PLCL1: variants seen among roughly 807,000 people sequenced by gnomAD.
PLCL1 encodes the protein inactive phospholipase C-like protein 1.
In PLCL1, 41 loss-of-function variants were observed where a neutral mutation model predicts 84.4. The observed-to-expected ratio is 0.49, with a 90% CI of 0.38 to 0.63. PLCL1 has a LOEUF of 0.63. PLCL1 is among the 30% of genes least tolerant of loss of function. The probability of loss-of-function intolerance (pLI) is 0.00; values close to 1 mark genes in which losing one functional copy is unlikely to be tolerated. For synonymous variants in PLCL1, 490 were observed against 488.3 expected (o/e 1.00, Z -0.05); for missense variants, 1,206 against 1,367.8 (o/e 0.88, Z 1.87).
At chr2:197,969,212 C>T (rs1689809114) in intron 1 of PLCL1, among the ~76,000 whole-genome samples, 1 of 152,050 alleles carries the variant, frequency 6.6e-6, no homozygotes, top group African/African-American at 2.4e-5. Context: ...GTTCCTGGTA[C>T]CAAAAAGTTT....
At chr2:198,032,423 A>G (rs890136887) in intron 1 of PLCL1, among the ~76,000 whole-genome samples, 16 of 152,250 alleles carry the variant, frequency 1.1e-4, no homozygotes, top group Admixed American at 5.2e-4. Context: ...CAGAAAGATA[A>G]AATAAGACTG....
intron 1 of PLCL1, among the ~76,000 whole-genome samples, chr2:197,978,621 A>G (rs1263528647): frequency 6.6e-6 from 1 of 152,280 alleles, no homozygotes; most frequent in Non-Finnish European, 1.5e-5. Flanking sequence ...CTATACATAC[A>G]TTTAAGAAAG....
At chr2:197,900,644 C>T (rs1332650566) in intron 1 of PLCL1, among the ~76,000 whole-genome samples, 1 of 152,134 alleles carries the variant, frequency 6.6e-6, no homozygotes, top group Admixed American at 6.6e-5. Context: ...CACTTGACTT[C>T]TCATTTCAGT....
intron 1 of PLCL1, among the ~76,000 whole-genome samples, chr2:197,880,141 T>A (rs1687803958): frequency 6.6e-6 from 1 of 152,208 alleles, no homozygotes; most frequent in East Asian, 1.9e-4. Flanking sequence ...AAATTATGAA[T>A]GTCCAGATCA....
At chr2:197,897,174 CTTCTTCTT>C (rs1688161408) in intron 1 of PLCL1, among the ~76,000 whole-genome samples, 1 of 29,880 alleles carries the variant, frequency 3.3e-5, no homozygotes, top group African/African-American at 2.3e-4. Flanking sequence ...TCTTCTTCTT[CTTCTTCTT>C]CTTCTTCTCC....
intron 4 of PLCL1, among the ~76,000 whole-genome samples, chr2:198,103,183 A>G (rs987041425): frequency 4.6e-5 from 7 of 152,068 alleles, no homozygotes; most frequent in African/African-American, 1.7e-4. Context: ...GTTGCCATTG[A>G]CACATCAGAC....
intron 1 of PLCL1, among the ~76,000 whole-genome samples, chr2:198,004,472 C>A (rs920642711): frequency 6.6e-6 from 1 of 152,130 alleles, no homozygotes; most frequent in Non-Finnish European, 1.5e-5. Flanking sequence ...TTACTTCCAA[C>A]ATTAATTCTA....
chr2:197,963,171 G>A (rs369642012), intron 1 of PLCL1, among the ~76,000 whole-genome samples: 17 of 152,122 alleles, frequency 1.1e-4, no homozygotes, highest in African/African-American at 4.1e-4. Context: ...CATAGTGGTT[G>A]TACTAATTTA....
intron 1 of PLCL1, among the ~76,000 whole-genome samples, chr2:197,829,057 G>A (rs1462750787): frequency 1.3e-5 from 2 of 152,156 alleles, no homozygotes; most frequent in African/African-American, 4.8e-5. Flanking sequence ...TGCAAGGCAT[G>A]CAGTCAAATT....
intron 1 of PLCL1, among the ~76,000 whole-genome samples, chr2:197,910,712 C>T (rs774348944): frequency 5.9e-5 from 9 of 152,200 alleles, no homozygotes; most frequent in African/African-American, 9.6e-5. Context: ...TTCCCTTAAA[C>T]TTGAATTCCA....
chr2:198,021,377 AGAC>A (rs1691129619), intron 1 of PLCL1, among the ~76,000 whole-genome samples: 1 of 152,206 alleles, frequency 6.6e-6, no homozygotes, highest in South Asian at 2.1e-4. Context: ...AGCTAGCAGA[AGAC>A]AAGAAATAAC....
intron 1 of PLCL1, among the ~76,000 whole-genome samples, chr2:197,806,870 G>T (rs1377867892): frequency 6.6e-6 from 1 of 152,172 alleles, no homozygotes; most frequent in African/African-American, 2.4e-5. Context: ...AAAAGTAATG[G>T]AGTATAAGGA....
chr2:197,836,695 C>T (rs1691198450), intron 1 of PLCL1, among the ~76,000 whole-genome samples: 1 of 152,028 alleles, frequency 6.6e-6, no homozygotes, highest in Admixed American at 6.6e-5. Flanking sequence ...TTTACTATTT[C>T]CAATGTATTG....
chr2:198,086,068 A>G lies in PLCL1; in HGVS notation c.2551A>G (p.Ser851Gly). ...LFVHIAITNR[S>G]GGGKAQKRSL... ...TGTCCACATAGCAATAACTAATCGA[A>G]GTGGAGGAGGAAAGGCACAGAAGCG... Residue 851 changes from serine to glycine, a missense_variant, in exon 2 of 6, where the codon AGT (serine) becomes GGT (glycine). Ser to Gly is a moderately conservative substitution (Grantham distance 56). Coordinates refer to ENST00000428675, the MANE Select transcript of PLCL1 (RefSeq NM_006226.4). 6.2e-7 allele frequency: 1 copy of G among 1,614,110 alleles called. No homozygotes were observed. Among genetic ancestry groups the G allele is most frequent in the Non-Finnish European group, 8.5e-7 (1 of 1,179,992 alleles).
intron 1 of PLCL1, among the ~76,000 whole-genome samples, chr2:197,982,496 C>A (rs1690128871): frequency 6.6e-6 from 1 of 152,178 alleles, no homozygotes. Context: ...CTCTTCCCTT[C>A]TGTCTGTTTC....
chr2:198,048,388 G>C (rs1262193167), intron 1 of PLCL1, among the ~76,000 whole-genome samples: 8 of 152,146 alleles, frequency 5.3e-5, no homozygotes, highest in Non-Finnish European at 1.2e-4. Context: ...CCTTTTATAA[G>C]GGCACTGTAT....
chr2:197,841,506 G>A (rs1488104812), intron 1 of PLCL1, among the ~76,000 whole-genome samples: 3 of 152,152 alleles, frequency 2.0e-5, no homozygotes, highest in Non-Finnish European at 4.4e-5. Flanking sequence ...TTAGCAATGT[G>A]CATTTAAAGT....
At chr2:197,864,396 T>C (rs952762968) in intron 1 of PLCL1, among the ~76,000 whole-genome samples, 3 of 150,658 alleles carry the variant, frequency 2.0e-5, no homozygotes, top group African/African-American at 7.3e-5. Flanking sequence ...TTTTAAGGGG[T>C]GAACTCTCTT....
intron 1 of PLCL1, among the ~76,000 whole-genome samples, chr2:197,946,659 C>T (rs1299988768): frequency 6.6e-6 from 1 of 152,116 alleles, no homozygotes; most frequent in East Asian, 1.9e-4. Flanking sequence ...GAGTACCTGG[C>T]CTCCTCTCTA....
Sources: gnomAD v4.1 joint callset for allele counts (sites outside exome capture counted in the v4.1 genomes callset) on GRCh38, gnomAD v4.1.1 for gene constraint, MANE v1.5 for transcripts, NCBI Gene and HGNC (gene_info 2026-07-23, HGNC 2026-07-21) for gene names.